The following DAP variants were observed in gnomAD, a reference collection of about 807,000 sequenced individuals.
DAP encodes the protein death associated protein.
A neutral mutation model predicts 13.8 loss-of-function variants in DAP; 8 were observed. That is an observed-to-expected ratio of 0.58 (90% CI 0.34 to 1.05). DAP has a LOEUF of 1.05. DAP is among the 50% of genes least tolerant of loss of function. The pLI, the probability that DAP is intolerant of heterozygous loss-of-function variation, is 0.03. For synonymous variants in DAP, 47 were observed against 47.5 expected (o/e 0.99, Z 0.04); for missense variants, 106 against 133.2 (o/e 0.80, Z 1.01).
At chr5:10,740,167 C>T (rs1278633372) in intron 2 of DAP, among the ~76,000 whole-genome samples, 1 of 152,128 alleles carries the variant, frequency 6.6e-6, no homozygotes, top group Non-Finnish European at 1.5e-5. Flanking sequence ...AAGATGAATT[C>T]TTTCACTGGA....
At chr5:10,699,980 G>C (rs1738531885) in intron 2 of DAP, among the ~76,000 whole-genome samples, 1 of 152,230 alleles carries the variant, frequency 6.6e-6, no homozygotes, top group Admixed American at 6.5e-5. Flanking sequence ...CTGGATGATG[G>C]ACAGAGCAAG....
chr5:10,759,834 A>T (rs1225382236), intron 1 of DAP, among the ~76,000 whole-genome samples: 1 of 141,534 alleles, frequency 7.1e-6, no homozygotes, highest in African/African-American at 2.6e-5. Context: ...GGCTCACTAC[A>T]ACTTCTGCCT....
chr5:10,738,707 T>C (rs1020767981), intron 2 of DAP, among the ~76,000 whole-genome samples: 5 of 152,218 alleles, frequency 3.3e-5, no homozygotes, highest in Non-Finnish European at 7.3e-5. Flanking sequence ...TTTGTGGCAG[T>C]AGTGGGAAAA....
At chr5:10,697,401 A>G (rs915306539) in intron 2 of DAP, among the ~76,000 whole-genome samples, 4 of 152,174 alleles carry the variant, frequency 2.6e-5, no homozygotes, top group African/African-American at 9.6e-5. Flanking sequence ...TGTAACATTT[A>G]CCCTAAAAAC....
intron 2 of DAP, among the ~76,000 whole-genome samples, chr5:10,694,298 G>C (rs80093305): frequency 0.024 from 3,628 of 152,172 alleles, 63 homozygotes; most frequent in Middle Eastern, 0.037. Flanking sequence ...TGGTGAGCTG[G>C]TGGTTGACTT....
chr5:10,729,801 G>A (rs972553922), intron 2 of DAP, among the ~76,000 whole-genome samples: 4 of 152,054 alleles, frequency 2.6e-5, no homozygotes, highest in African/African-American at 9.7e-5. Flanking sequence ...TCATCCTTAC[G>A]GCGACCCCAA....
chr5:10,697,762 C>A (rs1055628882), intron 2 of DAP, among the ~76,000 whole-genome samples: 1 of 152,172 alleles, frequency 6.6e-6, no homozygotes, highest in Admixed American at 6.5e-5. Flanking sequence ...AATACAGACA[C>A]CAAAAAACTC....
intron 1 of DAP, among the ~76,000 whole-genome samples, chr5:10,754,799 G>A (rs945260739): frequency 1.3e-5 from 2 of 152,180 alleles, no homozygotes; most frequent in Non-Finnish European, 2.9e-5. Flanking sequence ...GACTAGTCAG[G>A]TGTTTGCCAG....
chr5:10,728,308 C>T (rs1739342996), intron 2 of DAP, among the ~76,000 whole-genome samples: 1 of 152,118 alleles, frequency 6.6e-6, no homozygotes, highest in Non-Finnish European at 1.5e-5. Context: ...ATATGAACTT[C>T]CCATTCATTT....
At position 10,748,193 on chromosome 5, in the gene DAP, T is replaced by C. The variant is rs1206301210; in HGVS notation, c.134A>G (p.Gln45Arg). ...DTKEEKDKDD[Q>R]EWESPSPPKP... ...ATCCCACCTGGGGCTTTCCCATTCC[T>C]GGTCATCCTTGTCTTTCTCTTCTTT... The change falls in exon 2 of 4, where the codon CAG (glutamine) becomes CGG (arginine). Residue 45 changes from glutamine to arginine, a missense_variant. Physicochemically the swap from Gln to Arg is conservative, Grantham distance 43. Coordinates refer to ENST00000230895, the MANE Select transcript of DAP (RefSeq NM_004394.3). The C allele has an allele frequency of 1.2e-6, 2 of 1,613,616 alleles. No individual in the cohort carries two copies. Among genetic ancestry groups the C allele is most frequent in the Admixed American group, 3.3e-5 (2 of 60,008 alleles).
At chr5:10,711,447 A>C (rs963414646) in intron 2 of DAP, among the ~76,000 whole-genome samples, 1 of 152,262 alleles carries the variant, frequency 6.6e-6, no homozygotes, top group Non-Finnish European at 1.5e-5. Flanking sequence ...AGGAAGGAGC[A>C]GTGTTTACAG....
At chr5:10,752,818 A>G (rs1259719528) in intron 1 of DAP, among the ~76,000 whole-genome samples, 4 of 152,222 alleles carry the variant, frequency 2.6e-5, no homozygotes, top group Non-Finnish European at 4.4e-5. Context: ...TGAGGATTAC[A>G]TGAGTTAGGA....
chr5:10,757,231 C>T (rs964743871), intron 1 of DAP, among the ~76,000 whole-genome samples: 20 of 152,092 alleles, frequency 1.3e-4, no homozygotes, highest in Non-Finnish European at 2.8e-4. Context: ...CCCACTAGGT[C>T]ACTAGCTCAG....
At chr5:10,758,305 G>A (rs1257135257) in intron 1 of DAP, among the ~76,000 whole-genome samples, 2 of 151,804 alleles carry the variant, frequency 1.3e-5, no homozygotes, top group East Asian at 3.9e-4. Context: ...GCCAGAAAAG[G>A]TTCACACATG....
At chr5:10,694,581 T>C (rs941386215) in intron 2 of DAP, among the ~76,000 whole-genome samples, 14 of 152,084 alleles carry the variant, frequency 9.2e-5, no homozygotes, top group Non-Finnish European at 1.9e-4. Context: ...AATCAAACCC[T>C]CTGTCAGTGC....
intron 3 of DAP, among the ~76,000 whole-genome samples, chr5:10,681,812 A>G (rs948949914): frequency 7.0e-6 from 1 of 142,194 alleles, no homozygotes; most frequent in Non-Finnish European, 1.5e-5. Context: ...TGGCGGTTGT[A>G]TAAGAGGAAG....
At chr5:10,696,858 C>T (rs1738450120) in intron 2 of DAP, among the ~76,000 whole-genome samples, 1 of 152,126 alleles carries the variant, frequency 6.6e-6, no homozygotes, top group Non-Finnish European at 1.5e-5. Flanking sequence ...GGTTTCAGGG[C>T]ATTACTATGA....
chr5:10,747,269 C>T (rs1440709050), intron 2 of DAP, among the ~76,000 whole-genome samples: 9 of 152,144 alleles, frequency 5.9e-5, no homozygotes, highest in Non-Finnish European at 1.0e-4. Flanking sequence ...TGCCTGTTTG[C>T]GTATTGCAAA....
At chr5:10,728,531 A>C (rs992285213) in intron 2 of DAP, among the ~76,000 whole-genome samples, 1 of 152,236 alleles carries the variant, frequency 6.6e-6, no homozygotes, top group African/African-American at 2.4e-5. Flanking sequence ...TGGACAAGTC[A>C]ATTCTGAGTT....
Sources: allele counts gnomAD v4.1 joint callset (sites outside exome capture counted in the v4.1 genomes callset), GRCh38; gene constraint gnomAD v4.1.1; transcripts MANE v1.5; gene names NCBI Gene and HGNC (gene_info 2026-07-23, HGNC 2026-07-21).